The following SYT14 variants were observed in gnomAD, a reference collection of about 807,000 sequenced individuals.
SYT14 encodes the protein synaptotagmin-14.
SYT14 carries 32 observed loss-of-function variants against 74.2 expected under a neutral mutation model. The observed-to-expected ratio is 0.43, with a 90% CI of 0.33 to 0.58. SYT14 has a LOEUF of 0.58. Ranked by LOEUF, SYT14 falls within the 20% of genes least tolerant of loss-of-function variation. The pLI, the probability that SYT14 is intolerant of heterozygous loss-of-function variation, is 0.05. For synonymous variants in SYT14, 298 were observed against 337.7 expected, an observed-to-expected ratio of 0.88 and a Z score of 1.29; for missense variants, 791 against 981.8, an observed-to-expected ratio of 0.81 and a Z score of 2.60.
exon 10 of SYT14, chr1:210,168,919 A>G (rs2102745995): frequency 6.6e-6 from 1 of 152,320 alleles, no homozygotes; most frequent in South Asian, 2.1e-4. Flanking sequence ...CAGAACCCTG[A>G]AATAGGACGG....
intron 7 of SYT14, among the ~76,000 whole-genome samples, chr1:210,153,548 T>C (rs951395809): frequency 4.6e-5 from 7 of 152,202 alleles, no homozygotes; most frequent in African/African-American, 1.7e-4. Flanking sequence ...TAATAAATGA[T>C]ATTTTAATAA....
intron 5 of SYT14, among the ~76,000 whole-genome samples, chr1:210,071,815 T>G (rs542330431): frequency 2.6e-4 from 39 of 152,140 alleles, no homozygotes; most frequent in Admixed American, 6.5e-4. Context: ...GCAGTGATGT[T>G]TTTATTACAA....
At chr1:210,100,780 AT>A (rs1021836304) in intron 7 of SYT14, among the ~76,000 whole-genome samples, 1 of 146,566 alleles carries the variant, frequency 6.8e-6, no homozygotes, top group African/African-American at 2.4e-5. Context: ...CAAACTCCTT[AT>A]AGAATTTATT....
At chr1:209,976,687 T>A (rs1274676963) in intron 2 of SYT14, among the ~76,000 whole-genome samples, 1 of 152,198 alleles carries the variant, frequency 6.6e-6, no homozygotes, top group East Asian at 1.9e-4. Context: ...TCTGTTGATT[T>A]GGGGTGGAGA....
chr1:210,120,638 T>A (rs1429635791), intron 7 of SYT14, among the ~76,000 whole-genome samples: 1 of 152,200 alleles, frequency 6.6e-6, no homozygotes, highest in Non-Finnish European at 1.5e-5. Flanking sequence ...TCTATGATGT[T>A]CCCACAATGA....
chr1:210,084,636 G>A (rs2081684858), intron 5 of SYT14, among the ~76,000 whole-genome samples: 1 of 152,170 alleles, frequency 6.6e-6, no homozygotes, highest in African/African-American at 2.4e-5. Context: ...CCTTAAAGCA[G>A]GTCAGTAAAT....
chr1:210,094,071 A>G (rs574020327), intron 5 of SYT14, among the ~76,000 whole-genome samples: 9 of 152,220 alleles, frequency 5.9e-5, no homozygotes, highest in Non-Finnish European at 1.3e-4. Context: ...TTTATGATAC[A>G]TAACAGGATC....
chr1:210,127,566 G>T (rs1242092704), intron 7 of SYT14, among the ~76,000 whole-genome samples: 1 of 152,164 alleles, frequency 6.6e-6, no homozygotes, highest in Non-Finnish European at 1.5e-5. Flanking sequence ...TGTTGAGCAG[G>T]CAAACAACAG....
intron 4 of SYT14, among the ~76,000 whole-genome samples, chr1:210,019,570 C>T (rs983432185): frequency 1.3e-5 from 2 of 152,150 alleles, no homozygotes; most frequent in Non-Finnish European, 2.9e-5. Flanking sequence ...CAATATATGA[C>T]ATTGGTGATG....
chr1:209,966,837 C>G (rs1191117681), intron 2 of SYT14, among the ~76,000 whole-genome samples: 1 of 152,132 alleles, frequency 6.6e-6, no homozygotes, highest in Non-Finnish European at 1.5e-5. Context: ...CCTTATTTCA[C>G]TGACTAGAAC....
At chr1:210,053,281 TAAGAG>T (rs1237628901) in intron 5 of SYT14, among the ~76,000 whole-genome samples, 2 of 152,216 alleles carry the variant, frequency 1.3e-5, no homozygotes, top group African/African-American at 4.8e-5. Flanking sequence ...AAGAGCTGTT[TAAGAG>T]AAGATTAACG....
chr1:209,981,514 C>G (rs761079642), intron 2 of SYT14, among the ~76,000 whole-genome samples: 36 of 129,882 alleles, frequency 2.8e-4, no homozygotes, highest in Non-Finnish European at 5.3e-4. Context: ...AGCAGTGTTG[C>G]AATTGTAGCT....
chr1:210,066,054 A>C lies in SYT14; in HGVS notation c.1313-28268A>C, dbSNP rs1327549166. Among the ~76,000 whole-genome samples, 3 of 151,588 alleles carry C rather than the reference A, an allele frequency of 2.0e-5. No individual in the cohort carries two copies. The East Asian group carries it at 5.8e-4, about 29-fold the overall frequency. ...ATCCATGTCCCTACAAAGGACATGA[A>C]CTCATCATTTTTTATGGCTGCATAG... On this transcript the variant is annotated intron_variant, in intron 5 of 9. Transcript: ENST00000637265.
At chr1:210,099,425 A>C (rs944442620) in intron 6 of SYT14, among the ~76,000 whole-genome samples, 1 of 152,200 alleles carries the variant, frequency 6.6e-6, no homozygotes, top group African/African-American at 2.4e-5. Context: ...AATACAGTCT[A>C]TGTTATGGAA....
chr1:209,940,148 G>C (rs560929661), intron 1 of SYT14, among the ~76,000 whole-genome samples: 5 of 152,268 alleles, frequency 3.3e-5, no homozygotes, highest in Admixed American at 1.3e-4. Flanking sequence ...GATAAAGATG[G>C]CAGTTCGAAT....
chr1:210,020,636 G>C (rs766945679), intron 4 of SYT14, among the ~76,000 whole-genome samples: 12 of 152,040 alleles, frequency 7.9e-5, no homozygotes, highest in Non-Finnish European at 1.8e-4. Flanking sequence ...CTATAGTACT[G>C]GCAATACTTA....
At chr1:210,078,740 A>G (rs1303799119) in intron 5 of SYT14, among the ~76,000 whole-genome samples, 2 of 145,044 alleles carry the variant, frequency 1.4e-5, no homozygotes, top group African/African-American at 5.5e-5. Context: ...ATAATATGAT[A>G]TACGTATGAA....
rs190144509 is a variant in SYT14, at chr1:210,091,233, C to T, written c.1313-3089C>T. On this transcript the variant is annotated intron_variant, in intron 5 of 9. Coordinates refer to ENST00000637265, the Ensembl canonical transcript of SYT14. ...TGTGAAAATACACTTAGTTGGCCCA[C>T]AGCTAGGCAAGGACCTAATATAAAA... is the stretch of plus-strand genomic sequence containing the variant. Among the ~76,000 whole-genome samples, 467 of 152,266 alleles carry T rather than the reference C, an allele frequency of 3.1e-3. 2 individuals are homozygous for T. Among genetic ancestry groups the T allele is most frequent in the Non-Finnish European group, 4.9e-3 (332 of 68,022 alleles).
At position 210,013,798 on chromosome 1, in the gene SYT14, G is replaced by T; in HGVS notation, c.-321+1G>T. 6.2e-7 allele frequency: 1 copy of T among 1,610,914 alleles called. No homozygotes were observed. The stretch of plus-strand genomic sequence containing the variant: ...AGGAAGAATTCACAAGATAAAATTT[G>T]TAAGTATCGTATTGCTGCTTCTCTT... On this transcript the variant is annotated splice_donor_variant, in intron 3 of 9. Transcript: ENST00000637265. LOFTEE classifies it low-confidence loss of function (5UTR_SPLICE).
Sources: allele counts gnomAD v4.1 joint callset (sites outside exome capture counted in the v4.1 genomes callset), GRCh38; gene constraint gnomAD v4.1.1; transcripts MANE v1.5; gene names NCBI Gene and HGNC (gene_info 2026-07-23, HGNC 2026-07-21).